APBB2: variants seen among roughly 807,000 people sequenced by gnomAD.
The protein encoded by APBB2 is amyloid beta precursor protein binding family B member 2, also known as Fe65-like 1.
In APBB2, 38 loss-of-function variants were observed where a neutral mutation model predicts 82.5. The observed-to-expected ratio is 0.46, with a 90% CI of 0.36 to 0.60. APBB2 has a LOEUF of 0.60. APBB2 is among the 20% of genes least tolerant of loss of function. The probability of loss-of-function intolerance (pLI) is 0.00; values close to 1 mark genes in which losing one functional copy is unlikely to be tolerated. For synonymous variants in APBB2, 341 were observed against 368.2 expected (o/e 0.93, Z 0.85); for missense variants, 772 against 972.3 (o/e 0.79, Z 2.74).
intron 7 of APBB2, among the ~76,000 whole-genome samples, chr4:40,936,809 T>C (rs904558019): frequency 3.3e-5 from 5 of 152,204 alleles, no homozygotes; most frequent in African/African-American, 9.7e-5. Context: ...AGAAGCAGTG[T>C]TCAGTCTTTA....
chr4:40,812,627 G>A lies in APBB2; in HGVS notation c.*3465C>T, dbSNP rs1478557765. On this transcript the variant is annotated 3_prime_UTR_variant, in exon 18 of 18. Coordinates refer to ENST00000508593, the MANE Select transcript of APBB2 (RefSeq NM_004307.2). ...TTGTCATGTTGTGGTGAAATCTTGA[G>A]GAGTTTGTGTTGCAATGCCTGGGAC... 2.9e-4 allele frequency: 2 copies of A among 6,924 alleles called. No individual in the cohort carries two copies. The highest frequency in any genetic ancestry group is 1.7e-3 in the African/African-American group (2 of 1,202). 0.4% of individuals were successfully genotyped at this position (6,924 alleles called of 1,614,324 possible). A position where few individuals can be genotyped will look rare whatever the true frequency, so the allele number is the denominator to read the frequency against.
chr4:41,181,942 C>CAAAAAAA (rs35142945), intron 1 of APBB2, among the ~76,000 whole-genome samples: 4 of 93,846 alleles, frequency 4.3e-5, no homozygotes, highest in Admixed American at 1.2e-4. Context: ...GAAACTGTCT[C>CAAAAAAA]AAAAAAAAAA....
chr4:40,834,834 T>C (rs7699844), intron 12 of APBB2, among the ~76,000 whole-genome samples: 91,425 of 151,954 alleles, frequency 0.6, 28,522 homozygotes, highest in African/African-American at 0.68. Flanking sequence ...GGATTTGACA[T>C]TTCTGACCAC....
intron 12 of APBB2, among the ~76,000 whole-genome samples, chr4:40,856,351 G>A (rs533092047): frequency 1.3e-5 from 2 of 152,300 alleles, no homozygotes; most frequent in South Asian, 4.1e-4. Context: ...AGCTAATAGA[G>A]TGTTGTAAGC....
intron 3 of APBB2, among the ~76,000 whole-genome samples, chr4:41,076,824 T>C (rs969495861): frequency 6.6e-6 from 1 of 152,024 alleles, no homozygotes; most frequent in Admixed American, 6.6e-5. Context: ...GGGTAAAACA[T>C]ATTGCATCCA....
chr4:41,189,733 G>C (rs1773885351), intron 1 of APBB2, among the ~76,000 whole-genome samples: 1 of 152,208 alleles, frequency 6.6e-6, no homozygotes, highest in South Asian at 2.1e-4. Flanking sequence ...TTCAGCCATA[G>C]AACTGTGGTC....
At chr4:41,021,260 C>T (rs561210738) in intron 5 of APBB2, among the ~76,000 whole-genome samples, 12 of 152,312 alleles carry the variant, frequency 7.9e-5, no homozygotes, top group African/African-American at 2.6e-4. Flanking sequence ...CTGCACGGCC[C>T]GGTCTTCGCC....
At chr4:41,030,261 A>G (rs1394602754) in intron 5 of APBB2, among the ~76,000 whole-genome samples, 3 of 152,222 alleles carry the variant, frequency 2.0e-5, no homozygotes, top group Admixed American at 1.3e-4. Context: ...GCCATTCCCA[A>G]CATAACACCT....
chr4:40,825,741 T>C (rs1402784849), intron 15 of APBB2, 146 bp downstream of exon 15: 3 of 664,346 alleles, frequency 4.5e-6, no homozygotes, highest in African/African-American at 3.6e-5. Context: ...GGACCGTTTA[T>C]GTTCTCTGGC....
chr4:40,927,854 G>A (rs868218149), intron 10 of APBB2, among the ~76,000 whole-genome samples: 3 of 152,298 alleles, frequency 2.0e-5, no homozygotes, highest in Middle Eastern at 3.4e-3. Context: ...ACAGAAGTCT[G>A]AGCGGAGTTA....
chr4:40,922,559 A>G (rs1578452841), intron 10 of APBB2, among the ~76,000 whole-genome samples: 1 of 152,224 alleles, frequency 6.6e-6, no homozygotes, highest in Non-Finnish European at 1.5e-5. Flanking sequence ...TAGGAATCCT[A>G]TAAGTGACAA....
At chr4:40,905,048 A>G (rs567687893) in intron 10 of APBB2, among the ~76,000 whole-genome samples, 1 of 152,312 alleles carries the variant, frequency 6.6e-6, no homozygotes, top group Admixed American at 6.5e-5. Flanking sequence ...AGCAAGACAC[A>G]TAACTGGAAA....
chr4:40,822,219 T>C, intron 16 of APBB2, 169 bp from the exon 17 acceptor site: 3 of 684,894 alleles, frequency 4.4e-6, no homozygotes, highest in Non-Finnish European at 7.3e-6. Context: ...AGGCCATCAC[T>C]GCATGGCTAC....
At chr4:41,130,046 T>C (rs1225650233) in intron 2 of APBB2, among the ~76,000 whole-genome samples, 3 of 152,084 alleles carry the variant, frequency 2.0e-5, no homozygotes, top group Non-Finnish European at 4.4e-5. Context: ...GAAAGGACAT[T>C]ATCCAGGAGG....
At chr4:40,825,763 T>C (rs1749699329) in intron 15 of APBB2, 124 bp downstream of exon 15, 1 of 734,562 alleles carries the variant, frequency 1.4e-6, no homozygotes, top group Admixed American at 2.0e-5. Context: ...GGTGACAGTG[T>C]GACAGTTTGA....
chr4:41,064,539 C>T (rs2153889053), intron 4 of APBB2, among the ~76,000 whole-genome samples: 1 of 152,268 alleles, frequency 6.6e-6, no homozygotes, highest in Admixed American at 6.5e-5. Context: ...ACAGCTGCTC[C>T]AAGGCCAAAA....
intron 1 of APBB2, among the ~76,000 whole-genome samples, chr4:41,146,088 G>C (rs1197055487): frequency 2.0e-5 from 3 of 152,120 alleles, no homozygotes; most frequent in Non-Finnish European, 4.4e-5. Flanking sequence ...CACTCTGGGA[G>C]GCTGAAGCAG....
At chr4:41,083,965 T>C (rs1738684174) in intron 3 of APBB2, among the ~76,000 whole-genome samples, 2 of 152,144 alleles carry the variant, frequency 1.3e-5, no homozygotes, top group South Asian at 4.1e-4. Context: ...TTGCAAGATA[T>C]ATCAAATTTT....
intron 12 of APBB2, among the ~76,000 whole-genome samples, chr4:40,862,083 T>C (rs978530271): frequency 1.3e-5 from 2 of 152,208 alleles, no homozygotes; most frequent in Non-Finnish European, 1.5e-5. Flanking sequence ...CCAAGTAGCA[T>C]AGAAAAATCA....
Sources: allele counts gnomAD v4.1 joint callset (sites outside exome capture counted in the v4.1 genomes callset), GRCh38; gene constraint gnomAD v4.1.1; transcripts MANE v1.5; gene names NCBI Gene and HGNC (gene_info 2026-07-23, HGNC 2026-07-21).